The following TUSC3 variants were observed in gnomAD, a reference collection of about 807,000 sequenced individuals.
The protein encoded by TUSC3 is tumor suppressor candidate 3.
A neutral mutation model predicts 44.8 loss-of-function variants in TUSC3; 45 were observed. That is an observed-to-expected ratio of 1.00 (90% CI 0.79 to 1.29). The LOEUF is 1.29. TUSC3 is among the 50% of genes most tolerant of loss of function. The pLI is 0.00. For synonymous variants in TUSC3, 212 were observed against 152.9 expected (o/e 1.39, Z -2.85); for missense variants, 519 against 437.9 (o/e 1.19, Z -1.65).
chr8:15,824,281 A>T, the TUSC3 span, among the ~76,000 whole-genome samples: 4 of 152,194 alleles, frequency 2.6e-5, no homozygotes, highest in African/African-American at 9.7e-5. Flanking sequence ...GATACTTTCA[A>T]TGTCTATTTA....
chr8:15,431,340 T>C (rs1799869860), intron 1 of TUSC3, among the ~76,000 whole-genome samples: 1 of 151,948 alleles, frequency 6.6e-6, no homozygotes, highest in African/African-American at 2.4e-5. Flanking sequence ...TCTATCTATT[T>C]GTGTCTTCAA....
At chr8:15,448,755 A>C (rs544155181) in intron 1 of TUSC3, among the ~76,000 whole-genome samples, 1 of 152,172 alleles carries the variant, frequency 6.6e-6, no homozygotes, top group African/African-American at 2.4e-5. Flanking sequence ...ATATTTATGC[A>C]TTGTAAACAA....
At chr8:15,771,431 C>T (rs535246254), downstream of TUSC3, among the ~76,000 whole-genome samples, 39 of 152,186 alleles carry the variant, frequency 2.6e-4, no homozygotes, top group African/African-American at 8.7e-4. Context: ...GAAAGGACAA[C>T]TGAGAGTCAT....
chr8:15,709,621 G>T (rs1482890586), intron 6 of TUSC3, among the ~76,000 whole-genome samples: 5 of 151,808 alleles, frequency 3.3e-5, no homozygotes, highest in Non-Finnish European at 2.9e-5. Context: ...ATGATGAGGA[G>T]GAGGATGATG....
intron 2 of TUSC3, among the ~76,000 whole-genome samples, chr8:15,534,737 C>T (rs1563276618): frequency 6.6e-6 from 1 of 151,716 alleles, no homozygotes; most frequent in Non-Finnish European, 1.5e-5. Context: ...TCCAGAATCA[C>T]AGCAGATTGA....
chr8:15,640,068 A>G (rs1175068553), intron 2 of TUSC3, among the ~76,000 whole-genome samples: 49 of 152,118 alleles, frequency 3.2e-4, no homozygotes, highest in Non-Finnish European at 1.5e-5. Flanking sequence ...TTTTTCCACC[A>G]TTACTTAGCT....
chr8:15,519,949 G>A (rs1223379305), intron 2 of TUSC3, among the ~76,000 whole-genome samples: 1 of 152,140 alleles, frequency 6.6e-6, no homozygotes, highest in Non-Finnish European at 1.5e-5. Flanking sequence ...GAGATTGGAG[G>A]GACCTATGGA....
intron 2 of TUSC3, among the ~76,000 whole-genome samples, chr8:15,640,564 T>C (rs1806318976): frequency 6.6e-6 from 1 of 152,220 alleles, no homozygotes; most frequent in African/African-American, 2.4e-5. Context: ...TATTTAGTTT[T>C]TCAGATCTGT....
the TUSC3 span, among the ~76,000 whole-genome samples, chr8:15,838,228 T>A: frequency 1.3e-5 from 2 of 152,188 alleles, no homozygotes; most frequent in Non-Finnish European, 2.9e-5. Context: ...TCCGGATATA[T>A]CATTTACCTT....
rs540893867 is a variant in TUSC3 at position 15,602,998 on chromosome 8, C to G, written c.139-20082C>G. Among the ~76,000 whole-genome samples, 15 of 151,428 alleles carry G rather than the reference C, an allele frequency of 9.9e-5. 1 individual carries two copies. The South Asian group carries it at 3.1e-3, about 31-fold the overall frequency. On this transcript the variant is annotated intron_variant, in intron 1 of 10. Coordinates refer to ENST00000503731, the MANE Select transcript of TUSC3 (RefSeq NM_006765.4). ...TTTTGAAATAAGACTGAGAGAAGTA[C>G]AAGTTATAAATAAATGGATTCAATT... is the stretch of plus-strand genomic sequence containing the variant.
chr8:15,454,683 T>C (rs1458999353), intron 1 of TUSC3, among the ~76,000 whole-genome samples: 1 of 152,170 alleles, frequency 6.6e-6, no homozygotes, highest in African/African-American at 2.4e-5. Context: ...GCCCTTACTA[T>C]GTAGGTATTA....
At chr8:15,751,903 T>A (rs978381120) in intron 9 of TUSC3, among the ~76,000 whole-genome samples, 1 of 152,162 alleles carries the variant, frequency 6.6e-6, no homozygotes, top group South Asian at 2.1e-4. Flanking sequence ...AAATCTGATA[T>A]AACCATTTTA....
intron 2 of TUSC3, among the ~76,000 whole-genome samples, chr8:15,639,151 A>G (rs1381342350): frequency 6.6e-6 from 1 of 151,102 alleles, no homozygotes; most frequent in Non-Finnish European, 1.5e-5. Flanking sequence ...GGCTTCAGTG[A>G]TGATCATGTG....
chr8:15,543,450 A>G (rs1166542674), intron 1 of TUSC3, among the ~76,000 whole-genome samples: 3 of 152,130 alleles, frequency 2.0e-5, no homozygotes, highest in Non-Finnish European at 4.4e-5. Context: ...GTCAAGTTAC[A>G]ATTCAGCCTC....
intron 1 of TUSC3, among the ~76,000 whole-genome samples, chr8:15,433,753 G>A (rs149658830): frequency 1.3e-5 from 2 of 152,164 alleles, no homozygotes; most frequent in African/African-American, 2.4e-5. Context: ...GTTAATTCAC[G>A]TTGTGTGTTT....
intron 6 of TUSC3, among the ~76,000 whole-genome samples, chr8:15,694,317 C>A (rs1262715356): frequency 1.3e-5 from 2 of 151,496 alleles, no homozygotes; most frequent in Admixed American, 6.6e-5. Flanking sequence ...TGGCGTGCGC[C>A]GTTAATCCCA....
intron 1 of TUSC3, among the ~76,000 whole-genome samples, chr8:15,439,106 C>G (rs1018370624): frequency 6.6e-6 from 1 of 152,152 alleles, no homozygotes; most frequent in African/African-American, 2.4e-5. Flanking sequence ...CCATATACAT[C>G]CATCAGGGAT....
At chr8:15,753,079 C>G (rs1251529541) in intron 9 of TUSC3, among the ~76,000 whole-genome samples, 1 of 151,922 alleles carries the variant, frequency 6.6e-6, no homozygotes, top group Admixed American at 6.6e-5. Flanking sequence ...ATGAAAGCTG[C>G]TATAGTTTAC....
chr8:15,574,434 T>C (rs1441699048), intron 1 of TUSC3, among the ~76,000 whole-genome samples: 1 of 152,182 alleles, frequency 6.6e-6, no homozygotes, highest in Non-Finnish European at 1.5e-5. Context: ...CATTCTGCTC[T>C]CATTTATTCC....
Sources: allele counts gnomAD v4.1 joint callset (sites outside exome capture counted in the v4.1 genomes callset), GRCh38; gene constraint gnomAD v4.1.1; transcripts MANE v1.5; gene names NCBI Gene and HGNC (gene_info 2026-07-23, HGNC 2026-07-21).